The following FN1 variants were observed in gnomAD, a reference collection of about 807,000 sequenced individuals.
The protein encoded by FN1 is fibronectin.
FN1 carries 106 observed loss-of-function variants against 297.3 expected under a neutral mutation model. That is an observed-to-expected ratio of 0.36 (90% CI 0.30 to 0.42). The LOEUF is 0.42. Among genes scored for constraint, FN1 ranks in the 10% least tolerant of loss-of-function variants. FN1 has a pLI of 1.00. For missense variants in FN1, 2,690 were observed against 3,124.9 expected, an observed-to-expected ratio of 0.86 and a Z score of 3.32; for synonymous variants, 1,149 against 1,152.6, an observed-to-expected ratio of 1.00 and a Z score of 0.06.
intron 39 of FN1, among the ~76,000 whole-genome samples, chr2:215,372,961 T>C (rs1054334447): frequency 6.6e-6 from 1 of 152,186 alleles, no homozygotes; most frequent in African/African-American, 2.4e-5. Flanking sequence ...TAAAGATAAA[T>C]GTGAGAGGTT....
chr2:215,394,547 G>T lies in FN1; in HGVS notation c.3777C>A (p.Ile1259=). 1 of 1,613,660 alleles carries T rather than the reference G, an allele frequency of 6.2e-7. No homozygotes were observed. Among genetic ancestry groups the T allele is most frequent in the Non-Finnish European group, 8.5e-7 (1 of 1,179,664 alleles). The change falls in exon 24 of 46, where the codon ATC becomes ATA. Residue 1259 remains isoleucine, a synonymous_variant. Transcript: ENST00000354785. ...TVKDDKESVP[I]SDTIIPEVPQ... ...TATTACCTGGGATGATGGTATCAGA[G>T]ATAGGGACACTTTCCTTGTCATCCT...
chr2:215,401,223 AAAG>A (rs1233250955), intron 20 of FN1, among the ~76,000 whole-genome samples: 1 of 54,442 alleles, frequency 1.8e-5, no homozygotes. Context: ...AGAAAGAAAG[AAAG>A]AAAGAAAGAA....
chr2:215,399,171 C>T, intron 21 of FN1, 86 bp downstream of exon 21: 1 of 1,007,212 alleles, frequency 9.9e-7, no homozygotes. Flanking sequence ...GGTCTCCTGA[C>T]TCCTGAGCAC....
intron 28 of FN1, among the ~76,000 whole-genome samples, chr2:215,385,620 G>A (rs953897895): frequency 6.6e-6 from 1 of 150,846 alleles, no homozygotes; most frequent in South Asian, 2.1e-4. Flanking sequence ...CCTTCCCTTA[G>A]GTATTTGTCT....
At chr2:215,383,726 C>T (rs1051631305) in intron 30 of FN1, among the ~76,000 whole-genome samples, 4 of 152,192 alleles carry the variant, frequency 2.6e-5, no homozygotes, top group Admixed American at 1.3e-4. Flanking sequence ...GGTGTCTCTT[C>T]CTACTTTATC....
chr2:215,367,114 A>C (rs55637722), intron 42 of FN1, among the ~76,000 whole-genome samples: 4,657 of 152,312 alleles, frequency 0.031, 225 homozygotes, highest in African/African-American at 0.11. Flanking sequence ...ATTTATAGGC[A>C]TAACGGTCAA....
chr2:215,433,576 T>C, intron 2 of FN1, 115 bp from the exon 3 acceptor site: 1 of 1,017,534 alleles, frequency 9.8e-7, no homozygotes, highest in Non-Finnish European at 1.5e-6. Flanking sequence ...ATGGTACACC[T>C]CAAAGAATAA....
chr2:215,392,805 T>C (rs2059853470), intron 25 of FN1, 126 bp downstream of exon 25: 3 of 1,046,334 alleles, frequency 2.9e-6, no homozygotes, highest in Non-Finnish European at 4.4e-6. Flanking sequence ...ATCCCCCCAA[T>C]CCACCCTATC....
intron 25 of FN1, 59 bp from the exon 26 acceptor site, chr2:215,391,873 A>G: frequency 6.8e-7 from 1 of 1,463,328 alleles, no homozygotes; most frequent in Non-Finnish European, 9.6e-7. Flanking sequence ...AAGCTAACGA[A>G]GTAGCTGGAA....
At chr2:215,408,266 G>A in intron 16 of FN1, 32 bp downstream of exon 16, 2 of 1,613,980 alleles carry the variant, frequency 1.2e-6, no homozygotes, top group Non-Finnish European at 1.7e-6. Context: ...TACAGAAAAA[G>A]ATTCTTTTAA....
chr2:215,429,831 C>T (rs1279669714), intron 5 of FN1, among the ~76,000 whole-genome samples: 1 of 152,210 alleles, frequency 6.6e-6, no homozygotes, highest in East Asian at 1.9e-4. Context: ...CTTTGAGAAA[C>T]TTTTCCCAAC....
Position 215,365,572 on chromosome 2 carries a change from T to A in FN1, c.7077A>T (p.Gly2359=), listed in dbSNP as rs777156270. The A allele has an allele frequency of 4.3e-6, 7 of 1,613,924 alleles. No individual in the cohort carries two copies. The Admixed American group carries it at 5.0e-5, about 12-fold the overall frequency. ...YKIGEKWDRQ[G]ENGQMMSCTC... is the part of the protein sequence containing the mutation. ...TGCAGCTCATCATCTGGCCATTTTC[T>A]CCCTGACGGTCCCACTTCTCTCCAA... is the stretch of plus-strand genomic sequence containing the variant. The change falls in exon 43 of 46, where the codon GGA becomes GGT. Residue 2359 remains glycine (G), a synonymous_variant. Coordinates refer to ENST00000354785, the MANE Select transcript of FN1 (RefSeq NM_212482.4).
At chr2:215,404,152 G>GTAC (rs758134047) in intron 20 of FN1, among the ~76,000 whole-genome samples, 8 of 152,182 alleles carry the variant, frequency 5.3e-5, no homozygotes, top group Non-Finnish European at 1.2e-4. Flanking sequence ...ATTCTCAGCT[G>GTAC]TACTAAGCAG....
chr2:215,369,685 A>C (rs1222089645), intron 41 of FN1, among the ~76,000 whole-genome samples: 1 of 152,186 alleles, frequency 6.6e-6, no homozygotes, highest in African/African-American at 2.4e-5. Flanking sequence ...TGCTACAAAG[A>C]AGAGTTAATG....
Position 215,435,777 on chromosome 2 carries a change from A to T in FN1, c.26T>A (p.Leu9Gln). Residue 9 changes from leucine (L) to glutamine (Q), a missense_variant, in exon 1 of 46, where the codon CTG becomes CAG. Coordinates refer to ENST00000354785, the MANE Select transcript of FN1 (RefSeq NM_212482.4). MLRGPGPGLLLLAVQCLGT... is the reference protein window; with the variant it reads MLRGPGPGQLLLAVQCLGT... Reference sequence around the variant, plus strand: ...CAGGCACTGGACGGCCAGCAGCAGCAGCCCGGGCCCCGGACCCCTAAGCAT... The same window carrying T: ...CAGGCACTGGACGGCCAGCAGCAGCTGCCCGGGCCCCGGACCCCTAAGCAT... The T allele has an allele frequency of 6.3e-7, 1 of 1,577,568 alleles. No homozygotes were observed. The highest frequency in any genetic ancestry group is 1.1e-5 in the South Asian group (1 of 87,274).
intron 17 of FN1, 145 bp downstream of exon 17, chr2:215,407,963 C>T: frequency 1.6e-6 from 1 of 644,034 alleles, no homozygotes; most frequent in South Asian, 1.7e-5. Flanking sequence ...GCCACACACA[C>T]ACACACACAC....
chr2:215,393,192 G>T lies in FN1; in HGVS notation c.3808C>A (p.Leu1270Ile). 1 of 1,613,748 alleles carries T rather than the reference G, an allele frequency of 6.2e-7. No homozygotes were observed. Among genetic ancestry groups the T allele is most frequent in the South Asian group, 1.1e-5 (1 of 91,066 alleles). ...ATATCAACAAAGCTTAGGTCAGTGA[G>T]TTGGGGCACCTCTATTGAGTTACAA... is the stretch of plus-strand genomic sequence containing the variant. ...SDTIIPEVPQ[L>I]TDLSFVDITD... Residue 1270 changes from leucine (L) to isoleucine (I), a missense_variant, in exon 25 of 46, where the codon CTC becomes ATC. This residue lies in a region of FN1 where 1,743 missense variants were observed against 1,945.2 expected (regional missense o/e 0.90). Coordinates refer to ENST00000354785, the MANE Select transcript of FN1 (RefSeq NM_212482.4).
At position 215,384,150 on chromosome 2, in the gene FN1, A is replaced by G. The variant is rs1575410846; in HGVS notation, c.4764T>C (p.Pro1588=). Residue 1588 remains proline (P), a synonymous_variant, in exon 30 of 46, where the codon CCT becomes CCC. Transcript: ENST00000354785. The stretch of plus-strand genomic sequence containing the variant: ...TGATGGTAGCTGTAGACTTGCTCCC[A>G]GGCACAGTGAACTCCTGGACAGGGC... The part of the protein sequence containing the change: ...GNSPVQEFTV[P]GSKSTATISG... 1 of 1,614,166 alleles carries G rather than the reference A, an allele frequency of 6.2e-7. No individual in the cohort carries two copies. The highest frequency in any genetic ancestry group is 8.5e-7 in the Non-Finnish European group (1 of 1,180,010).
At position 215,423,382 on chromosome 2, in the gene FN1, G is replaced by C; in HGVS notation, c.1361C>G (p.Ala454Gly). 1.2e-6 allele frequency: 2 copies of C among 1,614,136 alleles called. No individual in the cohort carries two copies. The highest frequency in any genetic ancestry group is 1.7e-5 in the Admixed American group (1 of 60,024). Residue 454 changes from alanine (A) to glycine (G), a missense_variant, in exon 9 of 46, where the codon GCC becomes GGC. Around this residue, in one of 3 missense-constraint regions of FN1, gnomAD observed 876 missense variants for 1,058.1 expected, o/e 0.83. Coordinates refer to ENST00000354785, the MANE Select transcript of FN1 (RefSeq NM_212482.4). Reference protein sequence around the residue: ...KWCGTTQNYDADQKFGFCPMA... With the variant: ...KWCGTTQNYDGDQKFGFCPMA... ...GGGGCAGAACCCAAACTTCTGGTCG[G>C]CATCATAGTTCTGTGTGGTCCCACA... is the stretch of plus-strand genomic sequence containing the variant.
Sources: allele counts gnomAD v4.1 joint callset (sites outside exome capture counted in the v4.1 genomes callset), GRCh38; gene constraint gnomAD v4.1.1; regional missense constraint gnomAD v4.1.1; transcripts MANE v1.5; gene names NCBI Gene and HGNC (gene_info 2026-07-23, HGNC 2026-07-21).